The following CHI3L1 variants were observed in gnomAD, a reference collection of about 807,000 sequenced individuals.
The protein encoded by CHI3L1 is chitinase 3 like 1.
CHI3L1 carries 30 observed loss-of-function variants against 40.7 expected under a neutral mutation model. The observed-to-expected ratio is 0.74, with a 90% CI of 0.55 to 1.00. The LOEUF is 1.00. Among genes scored for constraint, CHI3L1 ranks in the 50% least tolerant of loss-of-function variants. CHI3L1 has a pLI of 0.00. For missense variants in CHI3L1, 493 were observed against 492.2 expected (o/e 1.00, Z -0.01); for synonymous variants, 210 against 192.1 (o/e 1.09, Z -0.77).
intron 2 of CHI3L1, 87 bp from the exon 3 acceptor site, chr1:203,185,472 G>A (rs993396022): frequency 9.2e-6 from 11 of 1,195,056 alleles, no homozygotes; most frequent in Non-Finnish European, 1.4e-5. Context: ...AATGGGGTGT[G>A]GGGTTGGGTA....
rs763786129 is a variant in CHI3L1, at chr1:203,185,264, G to C, written c.177C>G (p.Ala59=). 3.1e-6 allele frequency: 5 copies of C among 1,614,192 alleles called. No homozygotes were observed. The highest frequency in any genetic ancestry group is 4.2e-6 in the Non-Finnish European group (5 of 1,180,020). Residue 59 remains alanine (A), a synonymous_variant, in exon 3 of 10, where the codon GCC becomes GCG. Coordinates refer to ENST00000255409, the MANE Select transcript of CHI3L1 (RefSeq NM_001276.4). Reference sequence around the variant, plus strand: ...TGTCGATGTGATCGTTGCTTATATTGGCAAAGCTGTAGATGATGTGGGTAC... The same window carrying C: ...TGTCGATGTGATCGTTGCTTATATTCGCAAAGCTGTAGATGATGTGGGTAC... ...FLCTHIIYSF[A]NISNDHIDTW...
chr1:203,182,991 G>T, intron 5 of CHI3L1, 139 bp from the exon 6 acceptor site: 1 of 845,286 alleles, frequency 1.2e-6, no homozygotes, highest in Non-Finnish European at 1.8e-6. Context: ...GTGATAAAGT[G>T]GCTCATCAGT....
chr1:203,183,125 C>A (rs1469990566), intron 5 of CHI3L1, among the ~76,000 whole-genome samples: 1 of 152,220 alleles, frequency 6.6e-6, no homozygotes, highest in Admixed American at 6.5e-5. Context: ...CAGTGGGTGA[C>A]CCCTATTGGC....
intron 2 of CHI3L1, 83 bp downstream of exon 2, chr1:203,186,233 T>C: frequency 6.9e-7 from 1 of 1,445,718 alleles, no homozygotes; most frequent in African/African-American, 1.4e-5. Context: ...AAGTGTTCCC[T>C]TGGAGCTAAG....
intron 5 of CHI3L1, among the ~76,000 whole-genome samples, chr1:203,183,055 C>A (rs543840399): frequency 6.6e-6 from 1 of 152,274 alleles, no homozygotes; most frequent in South Asian, 2.1e-4. Context: ...TAATCTTCTC[C>A]CCAAACCCAT....
chr1:203,183,044 C>T (rs1655969332), intron 5 of CHI3L1, among the ~76,000 whole-genome samples, 192 bp from the exon 6 acceptor site: 1 of 152,156 alleles, frequency 6.6e-6, no homozygotes, highest in Admixed American at 6.5e-5. Flanking sequence ...AAAAAACTGA[C>T]TAATCTTCTC....
At position 203,179,556 on chromosome 1, in the gene CHI3L1, C is replaced by T. The variant is rs1049410; in HGVS notation, c.1041G>A (p.Ala347=). 7.6e-4 allele frequency: 1,225 copies of T among 1,608,688 alleles called. 2 individuals are homozygous for T. The highest frequency in any genetic ancestry group is 1.7e-3 in the Admixed American group (103 of 59,866). ...KVQYLKDRQL[A]GAMVWALDLD... ...GGTCCAGGGCCCATACCATGGCGCCCGCCAGCTGCCTGTCCTTCAGGTACT... is the reference window on the plus strand; with the variant it reads ...GGTCCAGGGCCCATACCATGGCGCCTGCCAGCTGCCTGTCCTTCAGGTACT... Residue 347 remains alanine (A), a synonymous_variant, in exon 10 of 10, where the codon GCG becomes GCA. Transcript: ENST00000255409.
chr1:203,180,295 G>A (rs1655907134), intron 8 of CHI3L1, 175 bp downstream of exon 8: 1 of 627,294 alleles, frequency 1.6e-6, no homozygotes, highest in Non-Finnish European at 2.7e-6. Context: ...GTACCTGCTG[G>A]AGATTTTCAG....
rs199900881 is a variant in CHI3L1, at chr1:203,182,799, C to G, written c.519G>C (p.Leu173=). Reference sequence around the variant, plus strand: ...TCCCCGCAGACAGTGCTGCGCTGAGCAGGAGCTGCTTTTTCCCTGGCTGGG... The same window carrying G: ...TCCCCGCAGACAGTGCTGCGCTGAGGAGGAGCTGCTTTTTCCCTGGCTGGG... The part of the protein sequence containing the change: ...KEAQPGKKQL[L]LSAALSAGKV... The change falls in exon 6 of 10, where the codon CTG becomes CTC. Residue 173 remains leucine, a synonymous_variant. Transcript: ENST00000255409. 235 of 1,614,016 alleles carry G rather than the reference C, an allele frequency of 1.5e-4. 1 individual carries two copies. The highest frequency in any genetic ancestry group is 1.6e-4 in the Middle Eastern group (1 of 6,066).
chr1:203,185,104 G>A (rs965555273), intron 3 of CHI3L1, 80 bp downstream of exon 3: 26 of 1,222,726 alleles, frequency 2.1e-5, no homozygotes, highest in Middle Eastern at 2.5e-4. Context: ...GTGGGGCCTC[G>A]CCCTTCCTCC....
intron 2 of CHI3L1, 88 bp from the exon 3 acceptor site, chr1:203,185,473 G>A (rs1656038220): frequency 9.7e-6 from 11 of 1,134,800 alleles, no homozygotes; most frequent in Non-Finnish European, 1.2e-5. Context: ...ATGGGGTGTG[G>A]GGTTGGGTAG....
intron 5 of CHI3L1, among the ~76,000 whole-genome samples, chr1:203,183,265 G>A (rs1655984575): frequency 6.6e-6 from 1 of 152,170 alleles, no homozygotes; most frequent in African/African-American, 2.4e-5. Flanking sequence ...TTCTGCCCCT[G>A]GTAACTGGAG....
chr1:203,183,354 T>C (rs1655986205), intron 5 of CHI3L1, among the ~76,000 whole-genome samples: 1 of 152,126 alleles, frequency 6.6e-6, no homozygotes. Context: ...CAGTATGGGA[T>C]TGAAGGGTGG....
rs944274926 is a variant in CHI3L1, at chr1:203,181,569, C to A, written c.588-284G>T. On this transcript the variant is annotated intron_variant, in intron 6 of 9. Transcript: ENST00000255409. ...CCAGGCGGCAGAGGTTGTGCCACTG[C>A]ACTCCGGCCTGGGCAACAGAGTGAG... 1.9e-5 allele frequency: 5 copies of A among 261,306 alleles called. No homozygotes were observed. The Admixed American group carries it at 2.6e-4, about 14-fold the overall frequency. 16.2% of individuals were successfully genotyped at this position (261,306 alleles called of 1,614,324 possible).
At chr1:203,184,700 T>C (rs1348247689) in intron 3 of CHI3L1, 68 bp from the exon 4 acceptor site, 30 of 1,375,952 alleles carry the variant, frequency 2.2e-5, no homozygotes, top group Non-Finnish European at 3.1e-5. Context: ...GGTGGCCCCA[T>C]GTCTGAGAGG....
chr1:203,184,917 T>C (rs1348536752), intron 3 of CHI3L1, among the ~76,000 whole-genome samples: 1 of 152,158 alleles, frequency 6.6e-6, no homozygotes, highest in Non-Finnish European at 1.5e-5. Flanking sequence ...CTTGCTCATT[T>C]TCCATGCTCC....
Position 203,181,389 on chromosome 1 carries a change from G to A in CHI3L1, c.588-104C>T, listed in dbSNP as rs1051856396. 1.3e-5 allele frequency: 16 copies of A among 1,267,264 alleles called. 1 individual carries two copies. The highest frequency in any genetic ancestry group is 8.4e-5 in the South Asian group (6 of 71,664). The allele number at this position is 1,267,264 out of a possible 1,614,324, so 78.5% of individuals were successfully genotyped here. On this transcript the variant is annotated intron_variant, in intron 6 of 9. Transcript: ENST00000255409. ...TGGAATCCCAGCACTTTGGGAGGCC[G>A]AGGCAGGTGGATCATGAGGTGAGGA... is the stretch of plus-strand genomic sequence containing the variant.
In CHI3L1 at chr1:203,183,734, C is replaced by A. The variant is rs756775296; in HGVS notation, c.372G>T (p.Pro124=). 1 of 1,614,184 alleles carries A rather than the reference C, an allele frequency of 6.2e-7. No homozygotes were observed. The highest frequency in any genetic ancestry group is 1.1e-5 in the South Asian group (1 of 91,082). ...CAAAGCCATGGGTGCGCAGAAATGG[C>A]GGTACTGACTTGATGAAAGTCCGGC... ...QSRRTFIKSV[P]PFLRTHGFDG... is the part of the protein sequence containing the mutation. Residue 124 remains proline, a synonymous_variant, in exon 5 of 10, where the codon CCG becomes CCT. Transcript: ENST00000255409.
Position 203,186,583 on chromosome 1 carries a change from T to C in CHI3L1, c.25+16A>G, listed in dbSNP as rs982772740. Reference sequence around the variant, plus strand: ...ACCCACAACTCTGATGGATTAACCTTGGCTAGCCCAGATACCTGTTTGAGA... The same window carrying C: ...ACCCACAACTCTGATGGATTAACCTCGGCTAGCCCAGATACCTGTTTGAGA... On this transcript the variant is annotated intron_variant, in intron 1 of 9. Transcript: ENST00000255409. The C allele has an allele frequency of 3.1e-6, 5 of 1,614,120 alleles. No individual in the cohort carries two copies. The highest frequency in any genetic ancestry group is 1.7e-5 in the Admixed American group (1 of 60,016).
Sources: gnomAD v4.1 joint callset for allele counts (sites outside exome capture counted in the v4.1 genomes callset) on GRCh38, gnomAD v4.1.1 for gene constraint, MANE v1.5 for transcripts, NCBI Gene and HGNC (gene_info 2026-07-23, HGNC 2026-07-21) for gene names.